The following PALM variants were observed in gnomAD, a reference collection of about 807,000 sequenced individuals.
The protein encoded by PALM is paralemmin.
In PALM, 18 loss-of-function variants were observed where a neutral mutation model predicts 30.7. That is an observed-to-expected ratio of 0.59 (90% confidence interval 0.41 to 0.87). The LOEUF is 0.87. Ranked by LOEUF, PALM falls within the 40% of genes least tolerant of loss-of-function variation. The pLI, the probability that PALM is intolerant of heterozygous loss-of-function variation, is 0.00. For missense variants in PALM, 529 were observed against 555.4 expected (o/e 0.95, Z 0.48); for synonymous variants, 286 against 242.8 (o/e 1.18, Z -1.66).
intron 7 of PALM, 46 bp from the exon 8 acceptor site, chr19:740,306 G>T (rs1389821871): frequency 6.6e-7 from 1 of 1,514,108 alleles, no homozygotes; most frequent in Non-Finnish European, 8.9e-7. Flanking sequence ...GCGGGGGGGT[G>T]CGGGGGCGGG....
At chr19:745,833 C>T (rs569085156) in intron 8 of PALM, among the ~76,000 whole-genome samples, 18 of 152,162 alleles carry the variant, frequency 1.2e-4, no homozygotes, top group South Asian at 6.2e-4. Flanking sequence ...CCAAGACGGG[C>T]GGATCACCTG....
At chr19:727,160 C>A (rs981032157) in intron 3 of PALM, 72 bp downstream of exon 3, 2 of 1,009,142 alleles carry the variant, frequency 2.0e-6, no homozygotes, top group South Asian at 1.4e-5. Flanking sequence ...GACTCCTGCC[C>A]AACCCTGACC....
At chr19:713,475 C>T (rs2144843237) in intron 1 of PALM, among the ~76,000 whole-genome samples, 1 of 152,274 alleles carries the variant, frequency 6.6e-6, no homozygotes, top group African/African-American at 2.4e-5. Context: ...CTTTATGGGC[C>T]TGGACCCTCT....
chr19:739,605 A>G (rs1460689600), intron 7 of PALM, among the ~76,000 whole-genome samples: 1 of 151,920 alleles, frequency 6.6e-6, no homozygotes, highest in African/African-American at 2.4e-5. Flanking sequence ...GGGGTGAGCC[A>G]GGAAGGTCAT....
chr19:743,129 C>T (rs919490679), intron 8 of PALM, among the ~76,000 whole-genome samples: 2 of 152,204 alleles, frequency 1.3e-5, no homozygotes, highest in African/African-American at 2.4e-5. Context: ...GCCTTCTGTT[C>T]TCAGAGGCAG....
intron 8 of PALM, among the ~76,000 whole-genome samples, chr19:741,285 C>G (rs958468359): frequency 6.6e-6 from 1 of 152,088 alleles, no homozygotes; most frequent in Admixed American, 6.6e-5. Flanking sequence ...TCATCAGAGA[C>G]ACGCAGTGCA....
intron 8 of PALM, among the ~76,000 whole-genome samples, chr19:744,680 G>T (rs1247809970): frequency 6.6e-6 from 1 of 152,036 alleles, no homozygotes; most frequent in Non-Finnish European, 1.5e-5. Flanking sequence ...GCTCACCTGA[G>T]GTCAGGAGTT....
rs2033159933 is a variant in PALM, at chr19:740,582, AC to A, written c.634+103del. 4 of 1,078,648 alleles carry A rather than the reference AC, an allele frequency of 3.7e-6. No individual in the cohort carries two copies. In the East Asian group the frequency reaches 2.7e-4, roughly 73 times the overall value. The allele number at this position is 1,078,648 out of a possible 1,614,324, so 66.8% of individuals were successfully genotyped here. On this transcript the variant is annotated intron_variant, in intron 8 of 8. Transcript: ENST00000338448. ...GTCTGGCGTCTGCCCCGGAATCAGG[AC>A]CCCGATTCGATGTGAAGCAGATGAC...
chr19:734,572 C>G (rs1220097949), intron 6 of PALM: 3 of 254,570 alleles, frequency 1.2e-5, no homozygotes, highest in Non-Finnish European at 2.3e-5. Context: ...CCGGCCAGGC[C>G]CAGTGGCTCA....
chr19:717,318 C>A (rs2032297938), intron 1 of PALM, among the ~76,000 whole-genome samples: 2 of 152,124 alleles, frequency 1.3e-5, no homozygotes, highest in South Asian at 2.1e-4. Flanking sequence ...CCGTCCCCCT[C>A]CCCCCAGCCC....
At chr19:738,624 G>A (rs144954508) in intron 7 of PALM, among the ~76,000 whole-genome samples, 4 of 152,176 alleles carry the variant, frequency 2.6e-5, no homozygotes, top group South Asian at 2.1e-4. Context: ...TGTTATGGAC[G>A]TGTGAGAGTG....
chr19:719,427 G>GTAAAAAGCA (rs2032380989), intron 1 of PALM: 1 of 985,218 alleles, frequency 1.0e-6, no homozygotes, highest in Admixed American at 6.2e-5. Context: ...GCCACACGCC[G>GTAAAAAGCA]TAAAAAGCAT....
chr19:711,998 CTGTA>C (rs2032095083), intron 1 of PALM, among the ~76,000 whole-genome samples: 1 of 148,788 alleles, frequency 6.7e-6, no homozygotes, highest in African/African-American at 2.5e-5. Flanking sequence ...TTTGAGTGCT[CTGTA>C]TGTGTGTGAA....
intron 1 of PALM, among the ~76,000 whole-genome samples, chr19:715,110 A>G (rs1312463369): frequency 6.6e-6 from 1 of 152,204 alleles, no homozygotes. Flanking sequence ...CTAAAAATAC[A>G]AAAATTAGCC....
chr19:727,991 G>A (rs1225772961), intron 4 of PALM: 2 of 215,488 alleles, frequency 9.3e-6, no homozygotes, highest in African/African-American at 4.4e-5. Flanking sequence ...ACGTGGCGTC[G>A]AGCTCCTGGG....
intron 1 of PALM, among the ~76,000 whole-genome samples, chr19:721,514 C>T (rs1003590035): frequency 1.1e-4 from 16 of 152,260 alleles, no homozygotes; most frequent in Admixed American, 5.9e-4. Flanking sequence ...GACCTGCCCA[C>T]CTTGGCCTCC....
rs1159402224 is a variant in PALM, at chr19:709,435, G to A, written c.5+284G>A. Among the ~76,000 whole-genome samples, 2 of 151,478 alleles carry A rather than the reference G, an allele frequency of 1.3e-5. No homozygotes were observed. The highest frequency in any genetic ancestry group is 4.8e-5 in the African/African-American group (2 of 41,310). ...CAGTCCAGGACGCGGGGAGGGGGAG[G>A]CTCGCGTCTCCGCCCGCGCCCCGCC... On this transcript the variant is annotated intron_variant, in intron 1 of 8. Transcript: ENST00000338448. The surrounding 1 kb of genome is among the most constrained non-coding windows in gnomAD (Gnocchi z 4.3).
chr19:742,631 GAATA>G lies in PALM; in HGVS notation c.634+2152_634+2155del, dbSNP rs1253064925. Among the ~76,000 whole-genome samples the G allele has an allele frequency of 1.7e-5, 2 of 119,144 alleles. No individual in the cohort carries two copies. Among genetic ancestry groups the G allele is most frequent in the Non-Finnish European group, 3.8e-5 (2 of 53,208 alleles). 78.2% of individuals were successfully genotyped at this position (119,144 alleles called of 152,430 possible). A position where few individuals can be genotyped will look rare whatever the true frequency, so the allele number is the denominator to read the frequency against. On this transcript the variant is annotated intron_variant, in intron 8 of 8. Coordinates refer to ENST00000338448, the MANE Select transcript of PALM (RefSeq NM_002579.3). The surrounding 1 kb of genome is among the most constrained non-coding windows in gnomAD (Gnocchi z 5.5). ...AAAAAAAAAAAAAAGAAAGAAAAGA[GAATA>G]AATGGGGTCACACACTGCACGTGGC... is the stretch of plus-strand genomic sequence containing the variant.
At chr19:736,139 T>A in intron 7 of PALM, 61 bp downstream of exon 7, 1 of 699,228 alleles carries the variant, frequency 1.4e-6, no homozygotes, top group Non-Finnish European at 2.4e-6. Context: ...CAAGTCTCGG[T>A]CCGGGGGGCC....
Sources: gnomAD v4.1 joint callset for allele counts (sites outside exome capture counted in the v4.1 genomes callset) on GRCh38, gnomAD v4.1.1 for gene constraint, Gnocchi (gnomAD v3.1) non-coding constraint, MANE v1.5 for transcripts, NCBI Gene and HGNC (gene_info 2026-07-23, HGNC 2026-07-21) for gene names.